Variants in PVT1 observed in about 807,000 individuals in gnomAD.
PVT1 encodes the protein Pvt1 oncogene.
At chr8:127,956,032 A>G (rs1816565413) in intron 3 of PVT1, among the ~76,000 whole-genome samples, 2 of 152,152 alleles carry the variant, frequency 1.3e-5, no homozygotes, top group Non-Finnish European at 2.9e-5. Flanking sequence ...ATACTGTACC[A>G]CCTCTTTGAC....
chr8:127,924,076 A>G (rs1436031542), intron 3 of PVT1, among the ~76,000 whole-genome samples: 1 of 152,202 alleles, frequency 6.6e-6, no homozygotes, highest in African/African-American at 2.4e-5. Context: ...AGTGGTGGGC[A>G]GCAGCTATTC....
chr8:127,943,557 G>T (rs1462077312), intron 3 of PVT1, among the ~76,000 whole-genome samples: 4 of 152,158 alleles, frequency 2.6e-5, no homozygotes, highest in African/African-American at 7.2e-5. Flanking sequence ...ATGTTGCTCG[G>T]CATCTCTGGC....
At chr8:127,958,970 A>G (rs925685258) in intron 3 of PVT1, among the ~76,000 whole-genome samples, 4 of 146,014 alleles carry the variant, frequency 2.7e-5, no homozygotes, top group Non-Finnish European at 6.0e-5. Flanking sequence ...CGGTCACAGC[A>G]CCAAGATGGG....
At chr8:127,823,240 G>T (rs936919453) in intron 2 of PVT1, among the ~76,000 whole-genome samples, 1 of 152,178 alleles carries the variant, frequency 6.6e-6, no homozygotes, top group Non-Finnish European at 1.5e-5. Flanking sequence ...GTGTCAGGTT[G>T]TTGGGGAGGC....
intron 5 of PVT1, among the ~76,000 whole-genome samples, chr8:128,088,664 G>C (rs1814307726): frequency 6.6e-6 from 1 of 152,214 alleles, no homozygotes; most frequent in South Asian, 2.1e-4. Flanking sequence ...GACGAATGTT[G>C]CATGTGCACC....
chr8:127,933,608 C>T (rs1359508224), intron 3 of PVT1, among the ~76,000 whole-genome samples: 1 of 152,130 alleles, frequency 6.6e-6, no homozygotes, highest in African/African-American at 2.4e-5. Context: ...GGATGATGCC[C>T]TTATGCTGGA....
chr8:127,885,615 A>T (rs186478612), intron 2 of PVT1, among the ~76,000 whole-genome samples: 1 of 152,268 alleles, frequency 6.6e-6, no homozygotes, highest in Admixed American at 6.5e-5. Context: ...CCCTTTTGAG[A>T]TCATCACCTT....
chr8:127,827,438 C>T (rs112466192), intron 2 of PVT1, among the ~76,000 whole-genome samples: 1 of 152,170 alleles, frequency 6.6e-6, no homozygotes, highest in African/African-American at 2.4e-5. Flanking sequence ...TGGTTCACCC[C>T]CTGGGGCTCC....
At chr8:128,037,094 G>A (rs1228035485) in intron 4 of PVT1, among the ~76,000 whole-genome samples, 2 of 152,004 alleles carry the variant, frequency 1.3e-5, no homozygotes, top group African/African-American at 2.4e-5. Flanking sequence ...GAGGTCCACA[G>A]ATGGAAGCTC....
chr8:128,089,732 CCTCT>C (rs1481073565), intron 5 of PVT1, among the ~76,000 whole-genome samples: 2 of 152,134 alleles, frequency 1.3e-5, no homozygotes, highest in Admixed American at 1.3e-4. Context: ...TTTGTTTCTC[CCTCT>C]CTCTTTCTCT....
chr8:127,911,377 A>G (rs1586432412), intron 3 of PVT1, among the ~76,000 whole-genome samples: 1 of 152,148 alleles, frequency 6.6e-6, no homozygotes, highest in South Asian at 2.1e-4. Context: ...AGTTGCTCTG[A>G]CCTGCACAGC....
At chr8:127,897,936 GAAAGA>G (rs888090713) in intron 3 of PVT1, among the ~76,000 whole-genome samples, 2 of 148,866 alleles carry the variant, frequency 1.3e-5, no homozygotes, top group African/African-American at 2.5e-5. Context: ...AGGAAAGAAA[GAAAGA>G]AAAGGGAAGG....
At chr8:128,095,170 T>C (rs1188274306) in intron 5 of PVT1, among the ~76,000 whole-genome samples, 1 of 152,188 alleles carries the variant, frequency 6.6e-6, no homozygotes, top group African/African-American at 2.4e-5. Context: ...TGAGAGATGG[T>C]ATGGCATCCT....
chr8:128,091,014 T>C (rs1051628728), intron 5 of PVT1, among the ~76,000 whole-genome samples: 1 of 151,742 alleles, frequency 6.6e-6, no homozygotes, highest in Non-Finnish European at 1.5e-5. Context: ...ATGGGAATAA[T>C]TTTTTCACCT....
intron 3 of PVT1, among the ~76,000 whole-genome samples, chr8:127,976,484 A>T (rs1012029793): frequency 1.3e-5 from 2 of 152,212 alleles, no homozygotes; most frequent in Admixed American, 1.3e-4. Flanking sequence ...AAATAGGGTT[A>T]TAGTCCTCCT....
chr8:128,075,733 TGAG>T (rs1325402934), intron 5 of PVT1, among the ~76,000 whole-genome samples: 1 of 152,224 alleles, frequency 6.6e-6, no homozygotes, highest in African/African-American at 2.4e-5. Context: ...AGCAATATAT[TGAG>T]GAGTGCTATC....
rs1263837797 is a variant in PVT1 at position 127,985,027 on chromosome 8, TTCCTTCCTTTCC to T, written n.783-4133_783-4122del. 8.3e-5 allele frequency among the ~76,000 whole-genome samples: 12 copies of T among 144,106 alleles called. 1 individual carries two copies. The highest frequency in any genetic ancestry group is 2.2e-4 in the South Asian group (1 of 4,480). The allele number at this position is 144,106 out of a possible 152,430, so 94.5% of individuals were successfully genotyped here. A position where few individuals can be genotyped will look rare whatever the true frequency, so the allele number is the denominator to read the frequency against. The stretch of plus-strand genomic sequence containing the variant: ...CTTCCTTCCTTCCTTCCTTCCTTCC[TTCCTTCCTTTCC>T]TTCTTTTTTTTTTTGACAGATTCTC... On this transcript the variant is annotated intron_variant and non_coding_transcript_variant, in intron 3 of 10. Transcript: ENST00000651587.
chr8:127,999,681 C>T (rs1383113546), intron 4 of PVT1, among the ~76,000 whole-genome samples: 3 of 152,196 alleles, frequency 2.0e-5, no homozygotes, highest in Non-Finnish European at 4.4e-5. Flanking sequence ...AGGCTGGTCT[C>T]GACCTCCTGA....
intron 4 of PVT1, among the ~76,000 whole-genome samples, chr8:128,047,214 T>C (rs558291779): frequency 6.6e-6 from 1 of 152,320 alleles, no homozygotes; most frequent in African/African-American, 2.4e-5. Context: ...AGCCTTGGGC[T>C]TTCTGTGTTC....
Sources: gnomAD v4.1 joint callset for allele counts (sites outside exome capture counted in the v4.1 genomes callset) on GRCh38, gnomAD v4.1.1 for gene constraint, MANE v1.5 for transcripts, NCBI Gene and HGNC (gene_info 2026-07-23, HGNC 2026-07-21) for gene names.